Variants in UGT1A7 observed in about 807,000 individuals in gnomAD.
The protein encoded by UGT1A7 is UDP-glucuronosyltransferase 1A7.
In UGT1A7, 33 loss-of-function variants were observed where a neutral mutation model predicts 45.6. That is an observed-to-expected ratio of 0.72 (90% confidence interval 0.55 to 0.97). The LOEUF (loss-of-function observed/expected upper bound fraction) is 0.97. Ranked by LOEUF, UGT1A7 falls within the 50% of genes least tolerant of loss-of-function variation. The pLI is 0.00. For synonymous variants in UGT1A7, 274 were observed against 250.6 expected (o/e 1.09, Z -0.88); for missense variants, 684 against 666.2 (o/e 1.03, Z -0.29).
chr2:233,752,739 T>C (rs1241633720), intron 1 of UGT1A7, among the ~76,000 whole-genome samples: 1 of 152,224 alleles, frequency 6.6e-6, no homozygotes, highest in East Asian at 1.9e-4. Context: ...AGAGAGACCC[T>C]GTCTCTAAAA....
chr2:233,765,693 A>AAAT (rs1266056248), intron 1 of UGT1A7, among the ~76,000 whole-genome samples: 1 of 147,310 alleles, frequency 6.8e-6, no homozygotes, highest in African/African-American at 2.6e-5. Context: ...AACTTCAAGT[A>AAAT]AATAATAATA....
chr2:233,725,626 T>TAGCATATATCTGACATTTAC (rs1183027261), intron 1 of UGT1A7, among the ~76,000 whole-genome samples: 17 of 152,190 alleles, frequency 1.1e-4, no homozygotes, highest in Non-Finnish European at 2.2e-4. Flanking sequence ...CTTCAAAATC[T>TAGCATATATCTGACATTTAC]AGCATATATC....
intron 1 of UGT1A7, chr2:233,693,807 T>C (rs1404347654): frequency 6.2e-7 from 1 of 1,614,252 alleles, no homozygotes; most frequent in African/African-American, 1.3e-5. Flanking sequence ...AGGCCGGTCA[T>C]GCCCAACATG....
chr2:233,772,599 C>A lies in UGT1A7; in HGVS notation c.*40C>A, dbSNP rs1313882407. ...ATAAGGTAAAATTTTGAACCATTCC[C>A]TAGTCATTTCCAAACTTGAAAACAG... On this transcript the variant is annotated 3_prime_UTR_variant, in exon 5 of 5. Coordinates refer to ENST00000373426, the MANE Select transcript of UGT1A7 (RefSeq NM_019077.3). 3.8e-6 allele frequency: 6 copies of A among 1,591,492 alleles called. No individual in the cohort carries two copies. Among genetic ancestry groups the A allele is most frequent in the Non-Finnish European group, 5.1e-6 (6 of 1,168,132 alleles).
chr2:233,724,273 T>C (rs1575551311), intron 1 of UGT1A7, among the ~76,000 whole-genome samples: 1 of 120,344 alleles, frequency 8.3e-6, no homozygotes, highest in African/African-American at 3.2e-5. Context: ...ACGGGGCGGC[T>C]GGCCGGGCGG....
intron 1 of UGT1A7, chr2:233,718,776 G>T (rs2076682469): frequency 6.2e-6 from 10 of 1,612,920 alleles, no homozygotes; most frequent in Non-Finnish European, 8.5e-6. Context: ...AATGTAGCAG[G>T]CACAGCGTGG....
intron 1 of UGT1A7, chr2:233,708,627 T>C (rs2076026553): frequency 6.6e-6 from 1 of 152,184 alleles, no homozygotes; most frequent in Non-Finnish European, 1.5e-5. Flanking sequence ...AGCGTGTGCC[T>C]GTAGACCTAA....
At chr2:233,767,827 C>G in intron 2 of UGT1A7, 22 bp from the exon 3 acceptor site, 2 of 1,614,176 alleles carry the variant, frequency 1.2e-6, no homozygotes, top group Non-Finnish European at 1.7e-6. Flanking sequence ...TCTTTACGTT[C>G]TGCTCTTTTT....
chr2:233,687,647 A>G (rs1455548663), intron 1 of UGT1A7, among the ~76,000 whole-genome samples: 1 of 151,938 alleles, frequency 6.6e-6, no homozygotes, highest in Non-Finnish European at 1.5e-5. Context: ...TCACACATGT[A>G]ATCACAGCAC....
At chr2:233,760,708 G>A in intron 1 of UGT1A7, 2 of 1,614,172 alleles carry the variant, frequency 1.2e-6, no homozygotes, top group East Asian at 2.2e-5. Context: ...GGCCTCCCTG[G>A]CAGAAAGCAG....
Position 233,771,783 on chromosome 2 carries a change from TCTCC to T in UGT1A7, c.1296-460_1296-457del, listed in dbSNP as rs562104634. ...TCCTCCGTCCCTCTCTCCTTTCCTC[TCTCC>T]CTCCCTCCCTCCCTCCCTTCCTCCT... On this transcript the variant is annotated intron_variant, in intron 4 of 4. Coordinates refer to ENST00000373426, the MANE Select transcript of UGT1A7 (RefSeq NM_019077.3). Among the ~76,000 whole-genome samples, 597 of 151,668 alleles carry T rather than the reference TCTCC, an allele frequency of 3.9e-3. 3 individuals carry two copies. The Middle Eastern group carries it at 0.041, about 10-fold the overall frequency.
At chr2:233,771,579 A>G (rs974224388) in intron 4 of UGT1A7, 2 of 152,312 alleles carry the variant, frequency 1.3e-5, no homozygotes, top group Non-Finnish European at 2.9e-5. Flanking sequence ...GGTTGTTTAC[A>G]ACTTCAAATA....
At chr2:233,751,923 T>G (rs1390474537) in intron 1 of UGT1A7, among the ~76,000 whole-genome samples, 1 of 152,048 alleles carries the variant, frequency 6.6e-6, no homozygotes, top group Non-Finnish European at 1.5e-5. Context: ...ACAAGATTGG[T>G]GGTGATTGAA....
At chr2:233,693,541 G>T (rs1471757220) in intron 1 of UGT1A7, 7 of 1,614,056 alleles carry the variant, frequency 4.3e-6, no homozygotes, top group Non-Finnish European at 5.1e-6. Context: ...GTTCCCTGGA[G>T]CATACATTCA....
At chr2:233,735,575 C>T (rs1354708625) in intron 1 of UGT1A7, among the ~76,000 whole-genome samples, 1 of 152,032 alleles carries the variant, frequency 6.6e-6, no homozygotes, top group Non-Finnish European at 1.5e-5. Flanking sequence ...GGTTATTTTG[C>T]CCGTTAATTG....
At chr2:233,759,064 G>A (rs1398718835) in intron 1 of UGT1A7, among the ~76,000 whole-genome samples, 2 of 152,146 alleles carry the variant, frequency 1.3e-5, no homozygotes, top group Non-Finnish European at 2.9e-5. Flanking sequence ...CTCTGAAAAG[G>A]AATTTGGAAG....
At chr2:233,728,759 G>C (rs2077748525) in intron 1 of UGT1A7, among the ~76,000 whole-genome samples, 1 of 152,198 alleles carries the variant, frequency 6.6e-6, no homozygotes, top group Admixed American at 6.5e-5. Flanking sequence ...TGACTCCTCA[G>C]ACCTCAGCTG....
At chr2:233,705,763 A>G (rs1046936782) in intron 1 of UGT1A7, among the ~76,000 whole-genome samples, 2 of 152,212 alleles carry the variant, frequency 1.3e-5, no homozygotes, top group African/African-American at 4.8e-5. Context: ...TCAGCTGCAT[A>G]CTTTGAGTGT....
intron 1 of UGT1A7, chr2:233,729,060 A>T: frequency 1.9e-6 from 3 of 1,610,660 alleles, no homozygotes; most frequent in Non-Finnish European, 2.5e-6. Context: ...GGTAATTAAG[A>T]TGAAGAAAGC....
Sources: gnomAD v4.1 joint callset for allele counts (sites outside exome capture counted in the v4.1 genomes callset) on GRCh38, gnomAD v4.1.1 for gene constraint, MANE v1.5 for transcripts, NCBI Gene and HGNC (gene_info 2026-07-23, HGNC 2026-07-21) for gene names.